The following VWA8 variants were observed in gnomAD, a reference collection of about 807,000 sequenced individuals.
The protein encoded by VWA8 is von Willebrand factor A domain containing 8.
A neutral mutation model predicts 241.5 loss-of-function variants in VWA8; 221 were observed. The ratio of observed to expected loss-of-function variants is 0.91; its 90% CI spans 0.82 to 1.02. The LOEUF (loss-of-function observed/expected upper bound fraction) is 1.02. Ranked by LOEUF, VWA8 falls within the 50% of genes least tolerant of loss-of-function variation. VWA8 has a pLI of 0.00. For synonymous variants in VWA8, 852 were observed against 827.1 expected (o/e 1.03, Z -0.52); for missense variants, 2,322 against 2,328.7 (o/e 1.00, Z 0.06).
At chr13:41,857,574 G>T (rs985233616) in intron 12 of VWA8, among the ~76,000 whole-genome samples, 12 of 152,072 alleles carry the variant, frequency 7.9e-5, no homozygotes, top group African/African-American at 2.7e-4. Context: ...TTACAAGTAT[G>T]AGTAACACTA....
chr13:41,951,064 A>G (rs182363944), intron 1 of VWA8, among the ~76,000 whole-genome samples: 1 of 152,308 alleles, frequency 6.6e-6, no homozygotes, highest in Admixed American at 6.5e-5. Context: ...ATCCAGCAAC[A>G]TATCCTCAAA....
chr13:41,733,179 A>C (rs1487748232), intron 21 of VWA8, among the ~76,000 whole-genome samples: 2 of 152,230 alleles, frequency 1.3e-5, no homozygotes, highest in African/African-American at 4.8e-5. Context: ...ACTTTACTAC[A>C]ATCTATTAAA....
intron 14 of VWA8, among the ~76,000 whole-genome samples, chr13:41,823,207 T>C (rs1298665959): frequency 5.3e-5 from 8 of 152,112 alleles, no homozygotes; most frequent in Non-Finnish European, 1.0e-4. Flanking sequence ...GATCCTGTCT[T>C]CAAATACGGG....
chr13:41,745,503 A>G (rs2045598767), intron 21 of VWA8, among the ~76,000 whole-genome samples: 1 of 152,186 alleles, frequency 6.6e-6, no homozygotes, highest in South Asian at 2.1e-4. Flanking sequence ...ACTTAAACAA[A>G]TTTACAAGAA....
intron 17 of VWA8, among the ~76,000 whole-genome samples, chr13:41,793,998 C>T (rs1869573549): frequency 6.6e-6 from 1 of 151,850 alleles, no homozygotes. Flanking sequence ...CATTGGTCTA[C>T]GTGTCTGTTC....
chr13:41,702,478 C>T (rs184739667), intron 27 of VWA8, among the ~76,000 whole-genome samples: 1 of 152,326 alleles, frequency 6.6e-6, no homozygotes, highest in Admixed American at 6.5e-5. Flanking sequence ...CAAAAATGAA[C>T]AGTTGGATTA....
intron 21 of VWA8, among the ~76,000 whole-genome samples, chr13:41,746,159 T>C (rs191352771): frequency 2.6e-5 from 4 of 152,334 alleles, no homozygotes; most frequent in Non-Finnish European, 4.4e-5. Context: ...AATTTGGATA[T>C]GTGTTATATA....
intron 13 of VWA8, 93 bp downstream of exon 13, chr13:41,833,278 A>T: frequency 1.5e-6 from 2 of 1,373,874 alleles, no homozygotes; most frequent in Non-Finnish European, 1.9e-6. Flanking sequence ...AACCCAGTTT[A>T]AAAAAAAGAA....
chr13:41,854,275 G>C (rs940884575), intron 12 of VWA8, among the ~76,000 whole-genome samples: 4 of 152,020 alleles, frequency 2.6e-5, no homozygotes, highest in Admixed American at 2.6e-4. Context: ...CAGCAGAATG[G>C]CTGTCAGTAG....
At chr13:41,809,600 A>T (rs1248549548) in intron 17 of VWA8, among the ~76,000 whole-genome samples, 1 of 152,180 alleles carries the variant, frequency 6.6e-6, no homozygotes, top group African/African-American at 2.4e-5. Flanking sequence ...ACAAAAATCA[A>T]ATCAAAATGG....
chr13:41,731,464 A>C (rs1593727611), intron 22 of VWA8, among the ~76,000 whole-genome samples: 2 of 152,236 alleles, frequency 1.3e-5, no homozygotes, highest in Admixed American at 6.5e-5. Flanking sequence ...AAAATCTGGA[A>C]TAGAAATCAA....
chr13:41,802,467 C>T (rs1041069002), intron 17 of VWA8, among the ~76,000 whole-genome samples: 9 of 152,168 alleles, frequency 5.9e-5, no homozygotes, highest in African/African-American at 2.2e-4. Context: ...TATGCTGAGT[C>T]GGTAGAGTTG....
chr13:41,903,605 CA>C lies in VWA8; in HGVS notation c.483+3980del, dbSNP rs563822648. Among the ~76,000 whole-genome samples, 59 of 152,018 alleles carry C rather than the reference CA, an allele frequency of 3.9e-4. 1 individual carries two copies. In the South Asian group the frequency reaches 0.012, roughly 32 times the overall value. On this transcript the variant is annotated intron_variant, in intron 4 of 44. Transcript: ENST00000379310. The stretch of plus-strand genomic sequence containing the variant: ...TACAAGGAGGCAAGAATATAAAGTA[CA>C]AAGAGAAACTCACACCAAGCAGAGG...
intron 37 of VWA8, among the ~76,000 whole-genome samples, chr13:41,660,388 T>C (rs1359877892): frequency 6.6e-6 from 1 of 152,150 alleles, no homozygotes; most frequent in Non-Finnish European, 1.5e-5. Flanking sequence ...AGTGTTGGGA[T>C]TACAGGCATG....
chr13:41,827,202 G>T (rs763743323), intron 14 of VWA8, among the ~76,000 whole-genome samples: 36 of 152,230 alleles, frequency 2.4e-4, no homozygotes, highest in Non-Finnish European at 4.7e-4. Context: ...TGCTTAAGTG[G>T]GTACAGCTCT....
rs1376463200 is a variant in VWA8 at position 41,692,083 on chromosome 13, A to C, written c.3676-145T>G. Reference sequence around the variant, plus strand: ...AACAAGCTATCTATTTATCTGCTCTAAGACTCTTATGGTAAAATGGATTAA... The same window carrying C: ...AACAAGCTATCTATTTATCTGCTCTCAGACTCTTATGGTAAAATGGATTAA... On this transcript the variant is annotated intron_variant, in intron 30 of 44. Transcript: ENST00000379310. The C allele has an allele frequency of 7.0e-6, 4 of 573,234 alleles. No homozygotes were observed. The African/African-American group carries it at 7.5e-5, about 11-fold the overall frequency. 35.5% of individuals were successfully genotyped at this position (573,234 alleles called of 1,614,324 possible).
At chr13:41,758,511 A>G (rs1464103236) in intron 21 of VWA8, among the ~76,000 whole-genome samples, 1 of 145,678 alleles carries the variant, frequency 6.9e-6, no homozygotes, top group African/African-American at 2.5e-5. Context: ...TATGGAATAT[A>G]TGGAATATAT....
intron 4 of VWA8, among the ~76,000 whole-genome samples, chr13:41,903,221 C>A (rs1350402740): frequency 2.0e-5 from 3 of 152,016 alleles, no homozygotes; most frequent in Non-Finnish European, 4.4e-5. Flanking sequence ...AGGCAAACAT[C>A]CATAGAAAAC....
In VWA8 at chr13:41,688,765, G is replaced by A. The variant is rs144194995; in HGVS notation, c.4131+589C>T. Among the ~76,000 whole-genome samples, 348 of 152,078 alleles carry A rather than the reference G, an allele frequency of 2.3e-3. 5 individuals carry two copies. The highest frequency in any genetic ancestry group is 2.0e-3 in the Non-Finnish European group (133 of 67,928). On this transcript the variant is annotated intron_variant, in intron 34 of 44. Coordinates refer to ENST00000379310, the MANE Select transcript of VWA8 (RefSeq NM_015058.2). ...ATCACATGTTCTCACAAGTGGGAGC[G>A]AAACATCGAGGACATACGGACACAA...
Sources: allele counts gnomAD v4.1 joint callset (sites outside exome capture counted in the v4.1 genomes callset), GRCh38; gene constraint gnomAD v4.1.1; transcripts MANE v1.5; gene names NCBI Gene and HGNC (gene_info 2026-07-23, HGNC 2026-07-21).